TAFA4: variants seen among roughly 807,000 people sequenced by gnomAD.
The protein encoded by TAFA4 is chemokine-like protein TAFA-4.
TAFA4 carries 20 observed loss-of-function variants against 21.1 expected under a neutral mutation model. The ratio of observed to expected loss-of-function variants is 0.95; its 90% CI spans 0.67 to 1.38. TAFA4 has a LOEUF of 1.38. Among genes scored for constraint, TAFA4 ranks in the 40% most tolerant of loss-of-function variants. The probability of loss-of-function intolerance (pLI) is 0.00; values close to 1 mark genes in which losing one functional copy is unlikely to be tolerated. For synonymous variants in TAFA4, 71 were observed against 67.4 expected, an observed-to-expected ratio of 1.05 and a Z score of -0.26; for missense variants, 211 against 180.9, an observed-to-expected ratio of 1.17 and a Z score of -0.95.
intron 3 of TAFA4, among the ~76,000 whole-genome samples, chr3:68,873,832 T>G (rs1232314964): frequency 6.6e-6 from 1 of 152,178 alleles, no homozygotes; most frequent in Non-Finnish European, 1.5e-5. Flanking sequence ...AAGACACACC[T>G]CTTGACTCCT....
At chr3:68,920,639 A>ATTTTTT (rs367598663) in intron 1 of TAFA4, among the ~76,000 whole-genome samples, 5 of 130,236 alleles carry the variant, frequency 3.8e-5, no homozygotes, top group African/African-American at 1.5e-4. Context: ...TTTTTCTCTA[A>ATTTTTT]TTTTTTTTTT....
chr3:68,894,444 C>T (rs993311165), intron 1 of TAFA4, among the ~76,000 whole-genome samples: 2 of 152,190 alleles, frequency 1.3e-5, no homozygotes, highest in Non-Finnish European at 2.9e-5. Context: ...AGCCACCACG[C>T]CTGGCCATGT....
chr3:68,930,658 C>T (rs1406560349), intron 1 of TAFA4, among the ~76,000 whole-genome samples: 1 of 152,176 alleles, frequency 6.6e-6, no homozygotes, highest in African/African-American at 2.4e-5. Context: ...CTCACTCGGT[C>T]ATTTTGGGAG....
chr3:68,826,445 A>C (rs889860456), intron 3 of TAFA4, among the ~76,000 whole-genome samples: 1 of 151,752 alleles, frequency 6.6e-6, no homozygotes, highest in Non-Finnish European at 1.5e-5. Flanking sequence ...TGGTGGCGGG[A>C]GCCTGTAGTC....
At chr3:68,834,835 C>T (rs1704484883) in intron 3 of TAFA4, among the ~76,000 whole-genome samples, 1 of 152,146 alleles carries the variant, frequency 6.6e-6, no homozygotes, top group African/African-American at 2.4e-5. Context: ...GCTGCTATTC[C>T]CTTTTTCCAA....
intron 3 of TAFA4, among the ~76,000 whole-genome samples, chr3:68,755,271 G>C (rs1338661166): frequency 6.6e-6 from 1 of 152,148 alleles, no homozygotes; most frequent in Non-Finnish European, 1.5e-5. Flanking sequence ...CATTTATCAG[G>C]AGTCTTTTGT....
At chr3:68,889,717 T>C (rs1161516087) in intron 1 of TAFA4, among the ~76,000 whole-genome samples, 2 of 152,166 alleles carry the variant, frequency 1.3e-5, no homozygotes, top group African/African-American at 2.4e-5. Context: ...TGAACTCAAA[T>C]TGGAGCAACA....
intron 3 of TAFA4, among the ~76,000 whole-genome samples, chr3:68,822,951 G>A (rs1323478627): frequency 1.3e-5 from 2 of 152,070 alleles, no homozygotes; most frequent in East Asian, 1.9e-4. Flanking sequence ...ACTCAGTTGG[G>A]TTTAAAAGAA....
At position 68,861,140 on chromosome 3, in the gene TAFA4, T is replaced by C. The variant is rs1259212306; in HGVS notation, c.130+19590A>G. On this transcript the variant is annotated intron_variant, in intron 3 of 5. Transcript: ENST00000295569. ...TACATGGATGATCACCAAAGCATTTTTGTTGTTGCCATTGTTTCCATTTGT... is the reference window on the plus strand; with the variant it reads ...TACATGGATGATCACCAAAGCATTTCTGTTGTTGCCATTGTTTCCATTTGT... Among the ~76,000 whole-genome samples the C allele has an allele frequency of 4.6e-5, 7 of 150,860 alleles. No individual in the cohort carries two copies. The East Asian group carries it at 1.0e-3, about 22-fold the overall frequency.
intron 1 of TAFA4, among the ~76,000 whole-genome samples, chr3:68,902,938 A>G (rs958082170): frequency 4.6e-5 from 7 of 152,206 alleles, no homozygotes; most frequent in African/African-American, 1.2e-4. Context: ...TTTCAATCTA[A>G]TAAGTAATTT....
chr3:68,780,922 C>T (rs1475668994), intron 3 of TAFA4, among the ~76,000 whole-genome samples: 5 of 150,212 alleles, frequency 3.3e-5, no homozygotes, highest in African/African-American at 1.2e-4. Flanking sequence ...ACCTTAAAAA[C>T]CTAAAAGGCA....
At chr3:68,882,194 A>G (rs2089626671) in intron 2 of TAFA4, among the ~76,000 whole-genome samples, 1 of 152,190 alleles carries the variant, frequency 6.6e-6, no homozygotes, top group African/African-American at 2.4e-5. Context: ...TTTGCAATGC[A>G]GCAATAAAAA....
chr3:68,853,839 A>T (rs896374701), intron 3 of TAFA4, among the ~76,000 whole-genome samples: 1 of 152,010 alleles, frequency 6.6e-6, no homozygotes, highest in Non-Finnish European at 1.5e-5. Flanking sequence ...TGTTACTGTT[A>T]TTATTATTGC....
At chr3:68,761,852 A>C (rs376362074) in intron 3 of TAFA4, among the ~76,000 whole-genome samples, 14 of 152,086 alleles carry the variant, frequency 9.2e-5, no homozygotes, top group East Asian at 5.8e-4. Context: ...TGGATTCTGG[A>C]AGTAGAGGCT....
At chr3:68,780,380 A>C (rs549657073) in intron 3 of TAFA4, among the ~76,000 whole-genome samples, 5 of 152,306 alleles carry the variant, frequency 3.3e-5, no homozygotes, top group Non-Finnish European at 7.4e-5. Flanking sequence ...CAGAGGTGGA[A>C]TGATATAGTT....
intron 3 of TAFA4, among the ~76,000 whole-genome samples, chr3:68,826,933 C>T (rs1265145002): frequency 6.6e-6 from 1 of 152,084 alleles, no homozygotes; most frequent in African/African-American, 2.4e-5. Flanking sequence ...ATGTGCACAA[C>T]ATGCAGGTTT....
chr3:68,841,513 A>C (rs2106894432), intron 3 of TAFA4, among the ~76,000 whole-genome samples: 1 of 151,738 alleles, frequency 6.6e-6, no homozygotes, highest in South Asian at 2.1e-4. Context: ...ATACACTGTC[A>C]CCTCCAGTTG....
intron 4 of TAFA4, among the ~76,000 whole-genome samples, chr3:68,741,401 T>C (rs1207925707): frequency 6.6e-6 from 1 of 152,232 alleles, no homozygotes; most frequent in Non-Finnish European, 1.5e-5. Flanking sequence ...GATTGCTTCC[T>C]TAATTTCTTG....
chr3:68,928,703 T>C (rs1443912875), intron 1 of TAFA4, among the ~76,000 whole-genome samples: 1 of 152,118 alleles, frequency 6.6e-6, no homozygotes, highest in Non-Finnish European at 1.5e-5. Flanking sequence ...AGCAAACTGA[T>C]GGTGCAAGAA....
Sources: allele counts gnomAD v4.1 joint callset (sites outside exome capture counted in the v4.1 genomes callset), GRCh38; gene constraint gnomAD v4.1.1; transcripts MANE v1.5; gene names NCBI Gene and HGNC (gene_info 2026-07-23, HGNC 2026-07-21).